Variants in FRMPD4 observed in about 807,000 individuals in gnomAD.
FRMPD4 encodes the protein FERM and PDZ domain-containing protein 4.
Under a neutral mutation model 94.1 loss-of-function variants are expected in FRMPD4, and 22 were observed. That is an observed-to-expected ratio of 0.23 (90% CI 0.17 to 0.33). FRMPD4 has a LOEUF of 0.33. Among genes scored for constraint, FRMPD4 ranks in the 10% least tolerant of loss-of-function variants. The pLI is 1.00. For synonymous variants in FRMPD4, 631 were observed against 548.6 expected (o/e 1.15, Z -2.10); for missense variants, 1,111 against 1,339.9 (o/e 0.83, Z 2.67).
chrX:11,839,108 A>G (rs1009142999), intron 1 of FRMPD4, among the ~76,000 whole-genome samples: 3 of 111,575 alleles, frequency 2.7e-5, no homozygotes, highest in African/African-American at 9.8e-5. Context: ...TCGGTAGTAT[A>G]TAAGGGTTCT....
intron 4 of FRMPD4, among the ~76,000 whole-genome samples, chrX:12,659,213 C>G (rs1488362427): frequency 8.9e-6 from 1 of 112,609 alleles, no homozygotes; most frequent in Non-Finnish European, 1.9e-5. Flanking sequence ...TTGTTGCTAA[C>G]TTGTCACCTC....
intron 2 of FRMPD4, among the ~76,000 whole-genome samples, chrX:11,865,706 C>T (rs1299059027): frequency 2.7e-5 from 3 of 111,906 alleles, no homozygotes; most frequent in Non-Finnish European, 5.6e-5. Flanking sequence ...AGTTAGTACT[C>T]TTAACTAGGG....
intron 1 of FRMPD4, among the ~76,000 whole-genome samples, chrX:12,387,417 G>A (rs946691304): frequency 1.7e-4 from 19 of 111,984 alleles, no homozygotes; most frequent in African/African-American, 5.8e-4. Flanking sequence ...CTGCCTGAAA[G>A]ATGCTCAATG....
chrX:12,297,350 G>A (rs1420971590), intron 1 of FRMPD4, among the ~76,000 whole-genome samples: 2 of 112,361 alleles, frequency 1.8e-5, no homozygotes, highest in Non-Finnish European at 3.8e-5. Context: ...TCTGGAGGTT[G>A]GGAAGTCTAA....
intron 1 of FRMPD4, among the ~76,000 whole-genome samples, chrX:12,311,181 C>G (rs1238424764): frequency 8.9e-6 from 1 of 111,786 alleles, no homozygotes; most frequent in Non-Finnish European, 1.9e-5. Context: ...TCTTGTGCAT[C>G]TACTGCCAAT....
intron 1 of FRMPD4, among the ~76,000 whole-genome samples, chrX:12,456,775 G>A (rs1425908622): frequency 2.7e-5 from 3 of 112,995 alleles, no homozygotes; most frequent in African/African-American, 9.6e-5. Context: ...AAATTAGATA[G>A]TATCTTCCTC....
At chrX:12,181,827 G>T (rs1000983133) in intron 1 of FRMPD4, among the ~76,000 whole-genome samples, 5 of 111,764 alleles carry the variant, frequency 4.5e-5, no homozygotes, top group Non-Finnish European at 7.5e-5. Flanking sequence ...TTCAGGTCAT[G>T]GTCTCTATCT....
intron 1 of FRMPD4, among the ~76,000 whole-genome samples, chrX:12,237,840 A>G (rs2057087419): frequency 8.9e-6 from 1 of 112,847 alleles, no homozygotes; most frequent in African/African-American, 3.2e-5. Context: ...GTTTTCCTAA[A>G]TACATTTTTA....
intron 2 of FRMPD4, among the ~76,000 whole-genome samples, chrX:12,554,566 A>T (rs1226488535): frequency 8.9e-6 from 1 of 112,316 alleles, no homozygotes; most frequent in Non-Finnish European, 1.9e-5. Context: ...TTTCACTCTT[A>T]ACAAATATAG....
chrX:12,098,159 T>C (rs900812537), intron 3 of FRMPD4, among the ~76,000 whole-genome samples: 1 of 111,772 alleles, frequency 8.9e-6, no homozygotes, highest in Admixed American at 9.5e-5. Context: ...TTTCATTATA[T>C]ATTTCAGGTA....
At chrX:11,996,883 A>G (rs184161422) in intron 3 of FRMPD4, among the ~76,000 whole-genome samples, 1 of 111,923 alleles carries the variant, frequency 8.9e-6, no homozygotes, top group East Asian at 2.8e-4. Context: ...GTGCTTAATT[A>G]AATGTTTCTG....
chrX:12,417,442 G>A (rs1054148625), intron 1 of FRMPD4, among the ~76,000 whole-genome samples: 4 of 108,230 alleles, frequency 3.7e-5, no homozygotes, highest in Admixed American at 3.0e-4. Context: ...AGCCGGGTAT[G>A]GTGGCAGGCA....
rs747941891 is a variant in FRMPD4 at position 11,864,897 on chromosome X, G to A, written c.-160-189G>A. Among the ~76,000 whole-genome samples the A allele has an allele frequency of 1.4e-3, 160 of 111,570 alleles. 1 individual carries two copies. Among genetic ancestry groups the A allele is most frequent in the African/African-American group, 4.9e-3 (150 of 30,727 alleles). ...AGCCCTACACTATAATTCATTGTTA[G>A]CAATAGTTTCATAAAATTGACCATT... On this transcript the variant is annotated intron_variant, in intron 1 of 18. Coordinates refer to the FRMPD4 transcript ENST00000640291.
intron 1 of FRMPD4, among the ~76,000 whole-genome samples, chrX:12,324,954 T>A (rs1389855936): frequency 8.9e-6 from 1 of 112,157 alleles, no homozygotes; most frequent in Non-Finnish European, 1.9e-5. Flanking sequence ...AACAATTTTG[T>A]TTGATGCTTT....
At chrX:12,537,380 A>G (rs771825885) in intron 2 of FRMPD4, among the ~76,000 whole-genome samples, 17 of 111,014 alleles carry the variant, frequency 1.5e-4, no homozygotes, top group Non-Finnish European at 3.2e-4. Flanking sequence ...ACACAACATT[A>G]TTTAAATACC....
chrX:12,190,026 C>G (rs2056472416), intron 1 of FRMPD4, among the ~76,000 whole-genome samples: 1 of 111,425 alleles, frequency 9.0e-6, no homozygotes, highest in Non-Finnish European at 1.9e-5. Context: ...TGCATGGTTA[C>G]AAAGTTAATA....
chrX:11,915,174 A>G (rs372344065), intron 3 of FRMPD4, among the ~76,000 whole-genome samples: 1 of 112,747 alleles, frequency 8.9e-6, no homozygotes, highest in African/African-American at 3.2e-5. Flanking sequence ...AGAATTGTCA[A>G]TAACAGAAAT....
intron 3 of FRMPD4, among the ~76,000 whole-genome samples, chrX:12,116,759 A>G (rs1229081716): frequency 8.9e-6 from 1 of 111,921 alleles, no homozygotes; most frequent in South Asian, 3.7e-4. Flanking sequence ...TGCCATGAGC[A>G]CCTGATATTC....
intron 1 of FRMPD4, among the ~76,000 whole-genome samples, chrX:11,859,050 A>C (rs919161332): frequency 4.4e-5 from 5 of 112,457 alleles, no homozygotes; most frequent in African/African-American, 1.6e-4. Context: ...TCTAATAAAC[A>C]GCTGAAGGAG....
Sources: gnomAD v4.1 joint callset for allele counts (sites outside exome capture counted in the v4.1 genomes callset) on GRCh38, gnomAD v4.1.1 for gene constraint, MANE v1.5 for transcripts, NCBI Gene and HGNC (gene_info 2026-07-23, HGNC 2026-07-21) for gene names.